Variants in EIF3B observed in about 807,000 individuals in gnomAD.
EIF3B encodes eukaryotic translation initiation factor 3 subunit 9.
Under a neutral mutation model 104.6 loss-of-function variants are expected in EIF3B, and 10 were observed. The observed-to-expected ratio is 0.10, with a 90% CI of 0.06 to 0.16. The LOEUF (loss-of-function observed/expected upper bound fraction) is 0.16. Ranked by LOEUF, EIF3B falls within the 10% of genes least tolerant of loss-of-function variation. The pLI, the probability that EIF3B is intolerant of heterozygous loss-of-function variation, is 1.00. For synonymous variants in EIF3B, 542 were observed against 417.2 expected (o/e 1.30, Z -3.65); for missense variants, 1,014 against 1,087.9 (o/e 0.93, Z 0.96).
intron 14 of EIF3B, chr7:2,375,837 T>A: frequency 5.9e-6 from 2 of 337,720 alleles, no homozygotes; most frequent in Non-Finnish European, 1.1e-5. Flanking sequence ...CTGAACAGAG[T>A]TCCATAACCG....
chr7:2,373,867 G>A (rs1780490568), intron 12 of EIF3B: 2 of 152,206 alleles, frequency 1.3e-5, no homozygotes, highest in South Asian at 4.1e-4. Context: ...TGAGACCCCT[G>A]CCCCTGCCAG....
rs939793152 is a variant in EIF3B, at chr7:2,374,401, G to A, written c.1811-127G>A. 1.2e-4 allele frequency: 88 copies of A among 761,066 alleles called. No individual in the cohort carries two copies. The African/African-American group carries it at 1.3e-3, about 11-fold the overall frequency. The allele number at this position is 761,066 out of a possible 1,614,324, so 47.1% of individuals were successfully genotyped here. The stretch of plus-strand genomic sequence containing the variant: ...GATGGACTTTGTAAAATTGTTTTCC[G>A]AGGTGGTCCAGCATTACCAGCTCTG... On this transcript the variant is annotated intron_variant, in intron 12 of 18. Coordinates refer to ENST00000360876, the MANE Select transcript of EIF3B (RefSeq NM_001037283.2).
rs181856373 is a variant in EIF3B at position 2,362,792 on chromosome 7, T to C, written c.812+28T>C. The C allele has an allele frequency of 4.4e-3, 7,096 of 1,613,678 alleles. 39 individuals carry two copies. Among genetic ancestry groups the C allele is most frequent in the Non-Finnish European group, 4.6e-3 (5,455 of 1,179,730 alleles). On this transcript the variant is annotated intron_variant, in intron 3 of 18. Coordinates refer to ENST00000360876, the MANE Select transcript of EIF3B (RefSeq NM_001037283.2). ...GAGTTCAGACTTGGCCACAAGGAAGTGGACGTTGACGTGCAAGTGACTGGC... is the reference window on the plus strand; with the variant it reads ...GAGTTCAGACTTGGCCACAAGGAAGCGGACGTTGACGTGCAAGTGACTGGC...
Position 2,354,889 on chromosome 7 carries a change from C to A in EIF3B, c.-33C>A. Reference sequence around the variant, plus strand: ...CTGGGAGAGTCGGAAGCGCGGCGGCCGCGGAGCCCTGCGAGTAGGCAGCGT... The same window carrying A: ...CTGGGAGAGTCGGAAGCGCGGCGGCAGCGGAGCCCTGCGAGTAGGCAGCGT... On this transcript the variant is annotated 5_prime_UTR_variant, in exon 1 of 19. Coordinates refer to ENST00000360876, the MANE Select transcript of EIF3B (RefSeq NM_001037283.2). 8.6e-7 allele frequency: 1 copy of A among 1,161,622 alleles called. No homozygotes were observed. Among genetic ancestry groups the A allele is most frequent in the Non-Finnish European group, 1.1e-6 (1 of 944,376 alleles). 72.0% of individuals were successfully genotyped at this position (1,161,622 alleles called of 1,614,324 possible).
chr7:2,366,454 T>C lies in EIF3B; in HGVS notation c.1289+6T>C, dbSNP rs747386278. On this transcript the variant is annotated splice_donor_region_variant and intron_variant, in intron 7 of 18. Coordinates refer to ENST00000360876, the MANE Select transcript of EIF3B (RefSeq NM_001037283.2). The stretch of plus-strand genomic sequence containing the variant: ...GCCCATTGGCCTATTTTTAAGTAAG[T>C]GGACCATTGTAACGAGCTCTGTAGC... The C allele has an allele frequency of 9.9e-6, 16 of 1,613,944 alleles. No homozygotes were observed. The South Asian group carries it at 1.6e-4, about 17-fold the overall frequency.
Position 2,380,480 on chromosome 7 carries a change from T to C in EIF3B, c.*291T>C, listed in dbSNP as rs1297491360. The stretch of plus-strand genomic sequence containing the variant: ...CACTTCTTTCTTGTTTGGAGTTTTC[T>C]GTTGGAACCGCCGGCGTTGGCTCCG... On this transcript the variant is annotated 3_prime_UTR_variant, in exon 19 of 19. Transcript: ENST00000360876. 2.0e-6 allele frequency: 1 copy of C among 498,728 alleles called. No homozygotes were observed. The highest frequency in any genetic ancestry group is 2.1e-5 in the Admixed American group (1 of 48,176). 30.9% of individuals were successfully genotyped at this position (498,728 alleles called of 1,614,324 possible). A position where few individuals can be genotyped will look rare whatever the true frequency, so the allele number is the denominator to read the frequency against.
At chr7:2,367,796 GAA>G (rs1389046641) in intron 9 of EIF3B, among the ~76,000 whole-genome samples, 1 of 141,272 alleles carries the variant, frequency 7.1e-6, no homozygotes, top group African/African-American at 2.6e-5. Flanking sequence ...CAGTTGGAGA[GAA>G]AACGGTGAGT....
chr7:2,370,721 A>G (rs889312298), intron 10 of EIF3B, among the ~76,000 whole-genome samples: 1 of 152,032 alleles, frequency 6.6e-6, no homozygotes, highest in Non-Finnish European at 1.5e-5. Context: ...GCTTGAGGCT[A>G]GGAGTTTCAG....
intron 15 of EIF3B, 131 bp from the exon 16 acceptor site, chr7:2,378,558 A>G (rs529067918): frequency 5.3e-5 from 37 of 700,226 alleles, no homozygotes; most frequent in South Asian, 4.6e-4. Context: ...AGAAAGGAGC[A>G]TGCGAGCGCT....
chr7:2,366,361 C>T lies in EIF3B; in HGVS notation c.1202C>T (p.Pro401Leu). The T allele has an allele frequency of 6.2e-7, 1 of 1,613,780 alleles. No individual in the cohort carries two copies. The highest frequency in any genetic ancestry group is 8.5e-7 in the Non-Finnish European group (1 of 1,179,874). Residue 401 changes from proline (P) to leucine (L), a missense_variant, in exon 7 of 19, where the codon CCT (proline) becomes CTT (leucine). Physicochemically the swap from Pro to Leu is moderately conservative, Grantham distance 98. This residue lies in a region of EIF3B where 201 missense variants were observed against 240.7 expected (regional missense o/e 0.83). Transcript: ENST00000360876. ...CCCCTGATGGACACGCAGGATGACC[C>T]TCAGGCCATAATCATCTGGGACATC... is the stretch of plus-strand genomic sequence containing the variant. ...FSPLMDTQDD[P>L]QAIIIWDILT...
At chr7:2,372,562 T>G in intron 11 of EIF3B, 111 bp from the exon 12 acceptor site, 1 of 1,382,972 alleles carries the variant, frequency 7.2e-7, no homozygotes, top group Non-Finnish European at 9.8e-7. Flanking sequence ...TAATGAACTT[T>G]TACACGTCGG....
rs1239713864 is a variant in EIF3B, at chr7:2,354,880, C to G, written c.-42C>G. The G allele has an allele frequency of 1.7e-6, 2 of 1,142,968 alleles. No homozygotes were observed. The highest frequency in any genetic ancestry group is 3.3e-5 in the African/African-American group (2 of 60,538). The allele number at this position is 1,142,968 out of a possible 1,614,324, so 70.8% of individuals were successfully genotyped here. On this transcript the variant is annotated 5_prime_UTR_variant, in exon 1 of 19. Transcript: ENST00000360876. ...CGGTGCGGCCTGGGAGAGTCGGAAG[C>G]GCGGCGGCCGCGGAGCCCTGCGAGT...
chr7:2,363,025 C>T, intron 3 of EIF3B, 45 bp from the exon 4 acceptor site: 1 of 1,606,684 alleles, frequency 6.2e-7, no homozygotes, highest in Non-Finnish European at 8.5e-7. Flanking sequence ...GTTGCTCTTT[C>T]TAGTCGTCAG....
chr7:2,366,626 G>C, intron 8 of EIF3B, 35 bp downstream of exon 8: 1 of 1,611,580 alleles, frequency 6.2e-7, no homozygotes, highest in Non-Finnish European at 8.5e-7. Context: ...CGCCCCGTCC[G>C]GTCCTTGCTT....
At chr7:2,378,339 A>G (rs975213546) in intron 15 of EIF3B, 19 of 267,708 alleles carry the variant, frequency 7.1e-5, no homozygotes, top group Non-Finnish European at 1.2e-4. Context: ...TGTTGTGTGA[A>G]TGACCCTTGG....
At chr7:2,379,347 A>G in intron 17 of EIF3B, 47 bp from the exon 18 acceptor site, 2 of 1,555,444 alleles carry the variant, frequency 1.3e-6, no homozygotes, top group Non-Finnish European at 1.7e-6. Context: ...CGGCGGTGCC[A>G]CTAGGCATGT....
Position 2,362,743 on chromosome 7 carries a change from A to C in EIF3B, c.791A>C (p.Asn264Thr). The C allele has an allele frequency of 1.2e-6, 2 of 1,614,138 alleles. No individual in the cohort carries two copies. Among genetic ancestry groups the C allele is most frequent in the African/African-American group, 2.7e-5 (2 of 75,032 alleles). ...GACAAGCAGCACACATTCCGGGTCA[A>C]CCTCTTTACGGATTTTGACAAGTGA... ...KLDKQHTFRV[N>T]LFTDFDKYMT... The change falls in exon 3 of 19, where the codon AAC (asparagine) becomes ACC (threonine). Residue 264 changes from asparagine (N) to threonine (T), a missense_variant. By Grantham distance (65) the Asn-to-Thr change is moderately conservative. Transcript: ENST00000360876.
At position 2,369,559 on chromosome 7, in the gene EIF3B, G is replaced by C; in HGVS notation, c.1491G>C (p.Gln497His). 1 of 1,614,120 alleles carries C rather than the reference G, an allele frequency of 6.2e-7. No homozygotes were observed. Among genetic ancestry groups the C allele is most frequent in the African/African-American group, 1.3e-5 (1 of 75,006 alleles). Residue 497 changes from glutamine (Q) to histidine (H), a missense_variant, in exon 10 of 19, where the codon CAG (glutamine) becomes CAC (histidine). Gln to His is a conservative substitution (Grantham distance 24, BLOSUM62 0). This residue lies in a region of EIF3B where 59 missense variants were observed against 118.8 expected (regional missense o/e 0.50). Coordinates refer to ENST00000360876, the MANE Select transcript of EIF3B (RefSeq NM_001037283.2). ...TTCCAGCCAGGGTAACCCTGATGCA[G>C]CTCCCTACCAGGCAAGAGATCCGAG... ...KDIPARVTLM[Q>H]LPTRQEIRVR... is the part of the protein sequence containing the mutation.
In EIF3B at chr7:2,361,488, C is replaced by T. The variant is rs370902149; in HGVS notation, c.692+586C>T. On this transcript the variant is annotated intron_variant, in intron 2 of 18. Transcript: ENST00000360876. ...AGGCTGGAGTGCAGTGTCGCAATCT[C>T]GGCTCACTGAAAGCTCCGCCTCCCA... Among the ~76,000 whole-genome samples the T allele has an allele frequency of 4.6e-5, 7 of 151,870 alleles. No individual in the cohort carries two copies. In the South Asian group the frequency reaches 8.3e-4, roughly 18 times the overall value.
Sources: gnomAD v4.1 joint callset for allele counts (sites outside exome capture counted in the v4.1 genomes callset) on GRCh38, gnomAD v4.1.1 for gene constraint, gnomAD v4.1.1 regional missense constraint, MANE v1.5 for transcripts, NCBI Gene and HGNC (gene_info 2026-07-23, HGNC 2026-07-21) for gene names.